Variants in SYT9 observed in about 807,000 individuals in gnomAD.
The protein encoded by SYT9 is synaptotagmin-9.
In SYT9, 22 loss-of-function variants were observed where a neutral mutation model predicts 48.4. That is an observed-to-expected ratio of 0.45 (90% CI 0.32 to 0.65). The LOEUF (loss-of-function observed/expected upper bound fraction) is 0.65, where lower values mean the gene tolerates loss of function less well. Among genes scored for constraint, SYT9 ranks in the 30% least tolerant of loss-of-function variants. The probability of loss-of-function intolerance (pLI) is 0.03; values close to 1 mark genes in which losing one functional copy is unlikely to be tolerated. For synonymous variants in SYT9, 265 were observed against 245.0 expected, an observed-to-expected ratio of 1.08 and a Z score of -0.76; for missense variants, 577 against 622.0, an observed-to-expected ratio of 0.93 and a Z score of 0.77.
chr11:7,269,289 T>C (rs1274463483), intron 1 of SYT9, among the ~76,000 whole-genome samples: 1 of 152,108 alleles, frequency 6.6e-6, no homozygotes, highest in Non-Finnish European at 1.5e-5. Context: ...AAACATTATA[T>C]GCCTGCTCCT....
chr11:7,431,121 G>C lies in SYT9; in HGVS notation c.1467+10486G>C, dbSNP rs148187337. 9.0e-4 allele frequency among the ~76,000 whole-genome samples: 137 copies of C among 152,350 alleles called. 2 individuals are homozygous for C. The East Asian group carries it at 0.014, about 16-fold the overall frequency. ...GTTAAATGGTTGTGACCAATATGCT[G>C]ATAGTAATATGGACAGTGAAGTCCA... is the stretch of plus-strand genomic sequence containing the variant. On this transcript the variant is annotated intron_variant, in intron 6 of 6. Transcript: ENST00000318881.
chr11:7,445,011 G>C (rs1023033782), intron 6 of SYT9, among the ~76,000 whole-genome samples: 1 of 152,196 alleles, frequency 6.6e-6, no homozygotes, highest in African/African-American at 2.4e-5. Flanking sequence ...TTAAAAGCAT[G>C]AGTGCTGGAG....
chr11:7,396,882 C>A (rs1045791305), intron 3 of SYT9, among the ~76,000 whole-genome samples: 4 of 152,082 alleles, frequency 2.6e-5, no homozygotes, highest in Admixed American at 6.6e-5. Flanking sequence ...TATATGACTT[C>A]TATATATTTA....
At chr11:7,245,917 A>C (rs1462323255) in intron 1 of SYT9, among the ~76,000 whole-genome samples, 7 of 151,324 alleles carry the variant, frequency 4.6e-5, no homozygotes, top group African/African-American at 1.7e-4. Context: ...GGTCTGAGTG[A>C]ATCCGAGGAA....
In SYT9 at chr11:7,275,590, C is replaced by A. The variant is rs1281013798; in HGVS notation, c.145+23259C>A. ...CACTTATGCATTTTTCCCAAGTTGT[C>A]CTCTCCAATCCTAGAACATACCAGC... is the stretch of plus-strand genomic sequence containing the variant. On this transcript the variant is annotated intron_variant, in intron 1 of 6. Transcript: ENST00000318881. 4.6e-5 allele frequency among the ~76,000 whole-genome samples: 7 copies of A among 152,088 alleles called. 1 individual carries two copies. The highest frequency in any genetic ancestry group is 1.0e-4 in the Non-Finnish European group (7 of 68,020).
At chr11:7,435,835 G>T (rs2134126324) in intron 6 of SYT9, 1 of 152,300 alleles carries the variant, frequency 6.6e-6, no homozygotes, top group Non-Finnish European at 1.5e-5. Flanking sequence ...ACAAAAATTA[G>T]CTGGGCATGG....
intron 3 of SYT9, among the ~76,000 whole-genome samples, chr11:7,394,046 T>G (rs922294506): frequency 6.6e-6 from 1 of 151,890 alleles, no homozygotes; most frequent in Non-Finnish European, 1.5e-5. Flanking sequence ...GTGCCATGTT[T>G]GTGTGCTGCA....
Position 7,418,141 on chromosome 11 carries a change from G to A in SYT9, c.1337+13G>A, listed in dbSNP as rs1462237648. 1.9e-6 allele frequency: 3 copies of A among 1,611,630 alleles called. No individual in the cohort carries two copies. The highest frequency in any genetic ancestry group is 2.2e-5 in the East Asian group (1 of 44,848). On this transcript the variant is annotated intron_variant, in intron 5 of 6. Transcript: ENST00000318881. ...TGGACTATGACCGGTGAGATACCTG[G>A]AACTCTTTTCCAGTGCAAGTTCACT...
chr11:7,401,933 C>T (rs1846902344), intron 3 of SYT9, among the ~76,000 whole-genome samples: 2 of 151,714 alleles, frequency 1.3e-5, no homozygotes, highest in Admixed American at 1.3e-4. Context: ...AAACTTAAAT[C>T]ATTATTTTGA....
Position 7,275,339 on chromosome 11 carries a change from C to T in SYT9, c.145+23008C>T, listed in dbSNP as rs16924247. ...TCCAATTCCCACACCCACCACTTCT[C>T]TGAGGCTGCTGTAACTACAGCCATC... On this transcript the variant is annotated intron_variant, in intron 1 of 6. Coordinates refer to ENST00000318881, the MANE Select transcript of SYT9 (RefSeq NM_175733.4). Among the ~76,000 whole-genome samples the T allele has an allele frequency of 5.5e-3, 836 of 152,338 alleles. 26 individuals carry two copies. The highest frequency in any genetic ancestry group is 0.037 in the Admixed American group (562 of 15,306).
upstream of SYT9, among the ~76,000 whole-genome samples, chr11:7,250,348 A>C (rs559451253): frequency 9.2e-5 from 14 of 152,214 alleles, no homozygotes; most frequent in South Asian, 2.9e-3. Flanking sequence ...TTTTAACTGA[A>C]CTTGTTGCTT....
intron 3 of SYT9, among the ~76,000 whole-genome samples, chr11:7,372,703 C>A (rs923859484): frequency 2.6e-5 from 4 of 152,104 alleles, no homozygotes; most frequent in Admixed American, 6.6e-5. Flanking sequence ...AGCCACTGGT[C>A]TCATTAGTTT....
intron 3 of SYT9, among the ~76,000 whole-genome samples, chr11:7,380,503 G>C (rs914350733): frequency 1.3e-5 from 2 of 152,102 alleles, no homozygotes; most frequent in African/African-American, 4.8e-5. Context: ...CATTTTCCAT[G>C]ATGTGCTTAT....
At chr11:7,251,129 CA>C (rs869193701), upstream of SYT9, among the ~76,000 whole-genome samples, 10 of 127,608 alleles carry the variant, frequency 7.8e-5, no homozygotes, top group South Asian at 3.2e-4. Flanking sequence ...CACACACACA[CA>C]CACCCAGAGT....
upstream of SYT9, among the ~76,000 whole-genome samples, chr11:7,247,175 T>C (rs954773360): frequency 6.6e-6 from 1 of 152,164 alleles, no homozygotes; most frequent in Non-Finnish European, 1.5e-5. Flanking sequence ...TTAGAGATGA[T>C]TTGTGAGATA....
At chr11:7,309,562 A>G (rs1849092304) in intron 2 of SYT9, among the ~76,000 whole-genome samples, 1 of 152,100 alleles carries the variant, frequency 6.6e-6, no homozygotes, top group African/African-American at 2.4e-5. Flanking sequence ...TCCATTAACC[A>G]TTTAGAGCCA....
chr11:7,458,798 C>T (rs773715539), intron 6 of SYT9, among the ~76,000 whole-genome samples: 4 of 152,136 alleles, frequency 2.6e-5, no homozygotes, highest in Non-Finnish European at 4.4e-5. Context: ...AAGGTAACAG[C>T]GGGCAGAGCT....
chr11:7,341,703 A>G (rs1041632971), intron 3 of SYT9, among the ~76,000 whole-genome samples: 3 of 152,330 alleles, frequency 2.0e-5, no homozygotes, highest in East Asian at 3.9e-4. Flanking sequence ...AGAGGAGTCA[A>G]GTTTAAATCA....
rs759372659 is a variant in SYT9 at position 7,449,322 on chromosome 11, CAAAAAAAAAAAAA to C, written c.1468-17454_1468-17442del. On this transcript the variant is annotated intron_variant, in intron 6 of 6. Transcript: ENST00000318881. ...TGGGCAACAGAGTGAGACTCCACCT[CAAAAAAAAAAAAA>C]AAAAAAAAAAAAAAATGGAGCAAAA... 9.4e-4 allele frequency among the ~76,000 whole-genome samples: 42 copies of C among 44,772 alleles called. 1 individual carries two copies. The highest frequency in any genetic ancestry group is 2.5e-3 in the African/African-American group (39 of 15,350). The allele number at this position is 44,772 out of a possible 152,430, so 29.4% of individuals were successfully genotyped here.
Sources: allele counts gnomAD v4.1 joint callset (sites outside exome capture counted in the v4.1 genomes callset), GRCh38; gene constraint gnomAD v4.1.1; transcripts MANE v1.5; gene names NCBI Gene and HGNC (gene_info 2026-07-23, HGNC 2026-07-21).